Variants in EHBP1 observed in about 807,000 individuals in gnomAD.
The protein encoded by EHBP1 is EH domain binding protein 1, also known as EH domain-binding protein 1.
Under a neutral mutation model 144.0 loss-of-function variants are expected in EHBP1, and 55 were observed. The ratio of observed to expected loss-of-function variants is 0.38; its 90% CI spans 0.31 to 0.48. The LOEUF (loss-of-function observed/expected upper bound fraction) is 0.48, where lower values mean the gene tolerates loss of function less well. EHBP1 is among the 20% of genes least tolerant of loss of function. The pLI is 0.98. For synonymous variants in EHBP1, 469 were observed against 472.7 expected, an observed-to-expected ratio of 0.99 and a Z score of 0.10; for missense variants, 1,200 against 1,364.2, an observed-to-expected ratio of 0.88 and a Z score of 1.90.
At chr2:62,990,317 T>C (rs1224658064) in intron 15 of EHBP1, among the ~76,000 whole-genome samples, 1 of 152,124 alleles carries the variant, frequency 6.6e-6, no homozygotes, top group Non-Finnish European at 1.5e-5. Context: ...AAATCTGATA[T>C]ACTAAAAGAA....
chr2:62,926,595 A>G (rs2055529621), intron 10 of EHBP1, among the ~76,000 whole-genome samples: 1 of 152,148 alleles, frequency 6.6e-6, no homozygotes, highest in African/African-American at 2.4e-5. Flanking sequence ...AACATTACTA[A>G]TCATGAGGGA....
chr2:63,044,808 C>T lies in EHBP1; in HGVS notation c.3278-258C>T, dbSNP rs142665953. 6.9e-4 allele frequency: 217 copies of T among 316,276 alleles called. 2 individuals carry two copies. Among genetic ancestry groups the T allele is most frequent in the African/African-American group, 4.3e-3 (203 of 47,316 alleles). The allele number at this position is 316,276 out of a possible 1,614,324, so 19.6% of individuals were successfully genotyped here. A position where few individuals can be genotyped will look rare whatever the true frequency, so the allele number is the denominator to read the frequency against. On this transcript the variant is annotated intron_variant, in intron 21 of 22. Coordinates refer to ENST00000431489, the MANE Select transcript of EHBP1 (RefSeq NM_001142616.3). Reference sequence around the variant, plus strand: ...ATTCAGGTGCGCACCTCAGGCTAGCCACCAGTTCACACCTGGTTCTAAGCA... The same window carrying T: ...ATTCAGGTGCGCACCTCAGGCTAGCTACCAGTTCACACCTGGTTCTAAGCA...
intron 2 of EHBP1, among the ~76,000 whole-genome samples, chr2:62,720,229 A>G (rs1042374000): frequency 7.2e-5 from 11 of 152,148 alleles, no homozygotes; most frequent in African/African-American, 2.4e-4. Context: ...TTACACATTA[A>G]GGGCCTTGTA....
At chr2:62,811,232 G>A (rs1650302601) in intron 5 of EHBP1, among the ~76,000 whole-genome samples, 2 of 152,156 alleles carry the variant, frequency 1.3e-5, no homozygotes, top group South Asian at 4.1e-4. Context: ...TAGCTGATAT[G>A]GTTTCTAATT....
chr2:62,885,501 C>G (rs1216313523), intron 10 of EHBP1, among the ~76,000 whole-genome samples: 1 of 152,032 alleles, frequency 6.6e-6, no homozygotes, highest in African/African-American at 2.4e-5. Context: ...GGCTGACCAC[C>G]TTTTACTGAC....
intron 19 of EHBP1, among the ~76,000 whole-genome samples, chr2:63,035,873 G>T (rs909955281): frequency 3.3e-5 from 5 of 151,946 alleles, no homozygotes; most frequent in Non-Finnish European, 5.9e-5. Context: ...CACATGACCA[G>T]TGTCAAGACA....
At chr2:62,984,811 T>C (rs1288066005) in intron 15 of EHBP1, among the ~76,000 whole-genome samples, 6 of 152,188 alleles carry the variant, frequency 3.9e-5, no homozygotes, top group Admixed American at 2.0e-4. Context: ...CACTCAGCAT[T>C]ACTGGGGAGT....
intron 19 of EHBP1, among the ~76,000 whole-genome samples, chr2:62,997,451 TG>T: frequency 6.6e-6 from 1 of 151,204 alleles, no homozygotes; most frequent in Non-Finnish European, 1.5e-5. Context: ...TGTGTGTGTG[TG>T]TGTGTGTGTG....
At chr2:62,716,900 G>A (rs2035740112) in intron 2 of EHBP1, among the ~76,000 whole-genome samples, 1 of 152,158 alleles carries the variant, frequency 6.6e-6, no homozygotes, top group Admixed American at 6.5e-5. Flanking sequence ...TACAATTTAT[G>A]ATGTTTCTCT....
intron 5 of EHBP1, chr2:62,772,103 C>T (rs2041707879): frequency 7.1e-6 from 1 of 141,682 alleles, no homozygotes; most frequent in Non-Finnish European, 1.5e-5. Context: ...AGTGAAACTC[C>T]ATCAAGAAAG....
At chr2:62,836,811 C>T (rs1363063365) in intron 7 of EHBP1, among the ~76,000 whole-genome samples, 1 of 150,758 alleles carries the variant, frequency 6.6e-6, no homozygotes, top group Non-Finnish European at 1.5e-5. Flanking sequence ...AAGAAATGAG[C>T]AAAGCCTCCA....
At chr2:62,748,076 G>A (rs1294557344) in intron 3 of EHBP1, among the ~76,000 whole-genome samples, 1 of 151,992 alleles carries the variant, frequency 6.6e-6, no homozygotes, top group Non-Finnish European at 1.5e-5. Flanking sequence ...CAGTAGCCTT[G>A]AATAACATAA....
intron 9 of EHBP1, among the ~76,000 whole-genome samples, chr2:62,870,784 CTT>C (rs2050419028): frequency 6.8e-6 from 1 of 147,108 alleles, no homozygotes; most frequent in Non-Finnish European, 1.5e-5. Flanking sequence ...ATTTTTGAGA[CTT>C]TTATTTGAAA....
chr2:62,741,905 C>T (rs1232214554), intron 2 of EHBP1, among the ~76,000 whole-genome samples: 4 of 152,142 alleles, frequency 2.6e-5, no homozygotes, highest in African/African-American at 9.7e-5. Flanking sequence ...AACTTAGTCA[C>T]ACACTGCAGA....
intron 13 of EHBP1, 36 bp from the exon 14 acceptor site, chr2:62,955,481 T>A (rs750693793): frequency 2.5e-6 from 4 of 1,580,138 alleles, no homozygotes; most frequent in Non-Finnish European, 3.4e-6. Context: ...TACCCGTTTT[T>A]TTTTTGGCTT....
At chr2:62,862,671 A>G (rs992754468) in intron 8 of EHBP1, among the ~76,000 whole-genome samples, 4 of 152,222 alleles carry the variant, frequency 2.6e-5, no homozygotes, top group Non-Finnish European at 5.9e-5. Flanking sequence ...TGTAATAATC[A>G]GATTAAGTTG....
intron 3 of EHBP1, among the ~76,000 whole-genome samples, chr2:62,756,692 C>T (rs1027928237): frequency 7.4e-5 from 11 of 148,978 alleles, no homozygotes; most frequent in African/African-American, 1.5e-4. Flanking sequence ...AGCTTGAACC[C>T]GGGTGGTGGA....
At chr2:62,832,869 A>G (rs965152030) in intron 7 of EHBP1, among the ~76,000 whole-genome samples, 1 of 152,176 alleles carries the variant, frequency 6.6e-6, no homozygotes, top group African/African-American at 2.4e-5. Flanking sequence ...GAAGAGTTGC[A>G]TGTATTTTCC....
chr2:62,910,418 A>G (rs1422077095), intron 10 of EHBP1, among the ~76,000 whole-genome samples: 3 of 152,196 alleles, frequency 2.0e-5, no homozygotes, highest in African/African-American at 7.2e-5. Context: ...TCAGTTTTAA[A>G]TGGTGGTTTT....
Sources: allele counts gnomAD v4.1 joint callset (sites outside exome capture counted in the v4.1 genomes callset), GRCh38; gene constraint gnomAD v4.1.1; transcripts MANE v1.5; gene names NCBI Gene and HGNC (gene_info 2026-07-23, HGNC 2026-07-21).